RALY: variants seen among roughly 807,000 people sequenced by gnomAD.
RALY encodes RNA-binding protein Raly.
RALY carries 15 observed loss-of-function variants against 30.7 expected under a neutral mutation model. The observed-to-expected ratio is 0.49, with a 90% confidence interval of 0.33 to 0.75. The LOEUF (loss-of-function observed/expected upper bound fraction) is 0.75. Ranked by LOEUF, RALY falls within the 30% of genes least tolerant of loss-of-function variation. The probability of loss-of-function intolerance (pLI) is 0.02; values close to 1 mark genes in which losing one functional copy is unlikely to be tolerated. For synonymous variants in RALY, 177 were observed against 170.8 expected, an observed-to-expected ratio of 1.04 and a Z score of -0.28; for missense variants, 339 against 414.3, an observed-to-expected ratio of 0.82 and a Z score of 1.58.
intron 1 of RALY, among the ~76,000 whole-genome samples, chr20:34,022,184 C>T (rs1180316405): frequency 6.6e-6 from 1 of 151,604 alleles, no homozygotes; most frequent in Non-Finnish European, 1.5e-5. Flanking sequence ...CTGTCTCGGC[C>T]TGCCAAACTG....
Position 34,065,929 on chromosome 20 carries a change from G to A in RALY, c.-9-6137G>A, listed in dbSNP as rs561903299. Among the ~76,000 whole-genome samples the A allele has an allele frequency of 7.9e-5, 12 of 152,326 alleles. No individual in the cohort carries two copies. The East Asian group carries it at 9.6e-4, about 12-fold the overall frequency. ...TCCTCCCTTGAAATGAGTATTTCAGGAGGAAGAGATTTAGTGCTGGGGAGG... is the reference window on the plus strand; with the variant it reads ...TCCTCCCTTGAAATGAGTATTTCAGAAGGAAGAGATTTAGTGCTGGGGAGG... On this transcript the variant is annotated intron_variant, in intron 2 of 9. Coordinates refer to ENST00000246194, the MANE Select transcript of RALY (RefSeq NM_016732.3).
intron 2 of RALY, among the ~76,000 whole-genome samples, chr20:34,040,318 T>C (rs1191852224): frequency 6.6e-6 from 1 of 152,170 alleles, no homozygotes; most frequent in African/African-American, 2.4e-5. Flanking sequence ...GTAGCAAAGA[T>C]TGGAACTGAA....
At chr20:34,004,586 GGTGATA>G (rs1239239420) in intron 1 of RALY, among the ~76,000 whole-genome samples, 1 of 152,180 alleles carries the variant, frequency 6.6e-6, no homozygotes, top group South Asian at 2.1e-4. Context: ...TTTGGAGATG[GGTGATA>G]CCTTCTCATA....
At chr20:33,999,123 CA>C (rs1039542148) in intron 1 of RALY, among the ~76,000 whole-genome samples, 1,557 of 54,110 alleles carry the variant, frequency 0.029, 19 homozygotes, top group African/African-American at 0.081. Flanking sequence ...GACTCCATCT[CA>C]AAAAAAAAAA....
intron 6 of RALY, 180 bp downstream of exon 6, chr20:34,076,220 G>T (rs1379112047): frequency 1.2e-6 from 1 of 843,210 alleles, no homozygotes. Context: ...TTTAGGAGGA[G>T]GGGTTGTGTT....
At chr20:34,071,453 A>G (rs2033724386) in intron 2 of RALY, among the ~76,000 whole-genome samples, 1 of 151,648 alleles carries the variant, frequency 6.6e-6, no homozygotes, top group African/African-American at 2.4e-5. Flanking sequence ...AATTTTTTGT[A>G]TTTTTAGTAG....
chr20:34,063,791 C>T (rs2033487280), intron 2 of RALY, among the ~76,000 whole-genome samples: 1 of 152,164 alleles, frequency 6.6e-6, no homozygotes, highest in Non-Finnish European at 1.5e-5. Context: ...TGCCAGGCCT[C>T]TTCTGGTGTC....
intron 9 of RALY, among the ~76,000 whole-genome samples, chr20:34,079,413 T>C (rs1199543500): frequency 6.6e-6 from 1 of 152,218 alleles, no homozygotes; most frequent in Non-Finnish European, 1.5e-5. Context: ...CTGTGCCTAC[T>C]ACTCTCTGAC....
chr20:34,075,642 C>G lies in RALY; in HGVS notation c.378-232C>G, dbSNP rs1323081431. 3.3e-5 allele frequency among the ~76,000 whole-genome samples: 5 copies of G among 152,150 alleles called. No homozygotes were observed. The South Asian group carries it at 6.2e-4, about 19-fold the overall frequency. On this transcript the variant is annotated intron_variant, in intron 5 of 9. Transcript: ENST00000246194. Reference sequence around the variant, plus strand: ...GCTACCACCTGATGCCTTGCCTGCCCTTACTGGGCCTGGATGGTTGGAGAG... The same window carrying G: ...GCTACCACCTGATGCCTTGCCTGCCGTTACTGGGCCTGGATGGTTGGAGAG...
At chr20:34,037,758 G>C (rs1268500345) in intron 2 of RALY, among the ~76,000 whole-genome samples, 1 of 152,220 alleles carries the variant, frequency 6.6e-6, no homozygotes, top group African/African-American at 2.4e-5. Flanking sequence ...ACCTGGGATA[G>C]AGTCTGAGAA....
At position 34,053,383 on chromosome 20, in the gene RALY, A is replaced by ATTTTTTTTTTTTTTTTTTTTTTT. The variant is rs60912814; in HGVS notation, c.-9-18673_-9-18651dup. Among the ~76,000 whole-genome samples the ATTTTTTTTTTTTTTTTTTTTTTT allele has an allele frequency of 7.4e-5, 4 of 54,140 alleles. 1 individual carries two copies. Among genetic ancestry groups the ATTTTTTTTTTTTTTTTTTTTTTT allele is most frequent in the South Asian group, 9.0e-4 (1 of 1,106 alleles). 35.5% of individuals were successfully genotyped at this position (54,140 alleles called of 152,430 possible). A position where few individuals can be genotyped will look rare whatever the true frequency, so the allele number is the denominator to read the frequency against. ...GCCAACATTTAGTAGATGTTCAATAATTTTTTTTTTTTTTTTTTTTTTTTT... is the reference window on the plus strand; with the variant it reads ...GCCAACATTTAGTAGATGTTCAATAATTTTTTTTTTTTTTTTTTTTTTTTTTTTTTTTTTTTTTTTTTTTTTTT... On this transcript the variant is annotated intron_variant, in intron 2 of 9. Transcript: ENST00000246194.
At chr20:34,001,082 A>G (rs1323311709) in intron 1 of RALY, among the ~76,000 whole-genome samples, 1 of 152,214 alleles carries the variant, frequency 6.6e-6, no homozygotes, top group African/African-American at 2.4e-5. Context: ...ACAGATGGAT[A>G]TTGCTTTTTA....
At chr20:34,073,132 T>C (rs2033777580) in intron 3 of RALY, among the ~76,000 whole-genome samples, 1 of 152,152 alleles carries the variant, frequency 6.6e-6, no homozygotes, top group Non-Finnish European at 1.5e-5. Flanking sequence ...CTATACTGAG[T>C]GTACTTGAGA....
chr20:34,023,808 G>T (rs112785619), intron 1 of RALY, among the ~76,000 whole-genome samples: 1 of 151,848 alleles, frequency 6.6e-6, no homozygotes, highest in African/African-American at 2.4e-5. Context: ...ACCTCACTCA[G>T]ACTTAATACA....
intron 1 of RALY, among the ~76,000 whole-genome samples, chr20:34,009,052 G>A (rs1485934572): frequency 6.6e-6 from 1 of 152,104 alleles, no homozygotes; most frequent in African/African-American, 2.4e-5. Flanking sequence ...GTCCTGGCAT[G>A]GGGCTATGAA....
At chr20:34,078,197 G>A (rs987119711) in intron 8 of RALY, among the ~76,000 whole-genome samples, 5 of 152,228 alleles carry the variant, frequency 3.3e-5, no homozygotes, top group Non-Finnish European at 7.3e-5. Context: ...CCCCAGAGAT[G>A]GGGAGCTCAC....
intron 2 of RALY, among the ~76,000 whole-genome samples, chr20:34,032,585 C>T (rs1243239192): frequency 1.3e-5 from 2 of 151,494 alleles, no homozygotes; most frequent in East Asian, 2.0e-4. Flanking sequence ...CTCCTGGGCT[C>T]GTGTGATTCA....
rs2034061692 is a variant in RALY at position 34,083,531 on chromosome 20, A to G, written c.*3626A>G. Reference sequence around the variant, plus strand: ...ACAGGAGGAGCTTCAAAATATGGCCATATTTAAAAAATCTACCTCAGGACT... The same window carrying G: ...ACAGGAGGAGCTTCAAAATATGGCCGTATTTAAAAAATCTACCTCAGGACT... On this transcript the variant is annotated 3_prime_UTR_variant, in exon 10 of 10. Coordinates refer to ENST00000246194, the MANE Select transcript of RALY (RefSeq NM_016732.3). 2 of 152,250 alleles carry G rather than the reference A, an allele frequency of 1.3e-5. No homozygotes were observed. Among genetic ancestry groups the G allele is most frequent in the Admixed American group, 6.5e-5 (1 of 15,286 alleles). 9.4% of individuals were successfully genotyped at this position (152,250 alleles called of 1,614,324 possible).
At chr20:34,057,661 C>A (rs1371086718) in intron 2 of RALY, among the ~76,000 whole-genome samples, 2 of 132,560 alleles carry the variant, frequency 1.5e-5, no homozygotes. Flanking sequence ...AGCGAGACTC[C>A]GTCTCAAAAA....
Sources: gnomAD v4.1 joint callset for allele counts (sites outside exome capture counted in the v4.1 genomes callset) on GRCh38, gnomAD v4.1.1 for gene constraint, MANE v1.5 for transcripts, NCBI Gene and HGNC (gene_info 2026-07-23, HGNC 2026-07-21) for gene names.